XKR8: variants seen among roughly 807,000 people sequenced by gnomAD.
XKR8 encodes the protein XK-related protein 8.
In XKR8, 10 loss-of-function variants were observed where a neutral mutation model predicts 17.1. The ratio of observed to expected loss-of-function variants is 0.59; its 90% confidence interval spans 0.36 to 0.99. XKR8 has a LOEUF of 0.99. Among genes scored for constraint, XKR8 ranks in the 50% least tolerant of loss-of-function variants. The pLI is 0.01. For missense variants in XKR8, 411 were observed against 515.6 expected, an observed-to-expected ratio of 0.80 and a Z score of 1.96; for synonymous variants, 213 against 251.9, an observed-to-expected ratio of 0.85 and a Z score of 1.46.
chr1:27,959,974 A>G lies in XKR8; in HGVS notation c.-96A>G. On this transcript the variant is annotated 5_prime_UTR_variant, in exon 1 of 3. Coordinates refer to ENST00000373884, the MANE Select transcript of XKR8 (RefSeq NM_018053.4). Reference sequence around the variant, plus strand: ...CAGGCCCAGGCCCCGGGCCGCCCCGAGGGCTGCGCCCACCTCCTTCCTGCC... The same window carrying G: ...CAGGCCCAGGCCCCGGGCCGCCCCGGGGGCTGCGCCCACCTCCTTCCTGCC... 8.4e-7 allele frequency: 1 copy of G among 1,188,166 alleles called. No individual in the cohort carries two copies. 73.6% of individuals were successfully genotyped at this position (1,188,166 alleles called of 1,614,324 possible). A position where few individuals can be genotyped will look rare whatever the true frequency, so the allele number is the denominator to read the frequency against.
At chr1:27,961,556 T>C (rs769179878) in intron 1 of XKR8, among the ~76,000 whole-genome samples, 1 of 152,200 alleles carries the variant, frequency 6.6e-6, no homozygotes, top group African/African-American at 2.4e-5. Flanking sequence ...CCATGAGCCG[T>C]GAATCTGTAA....
intron 1 of XKR8, among the ~76,000 whole-genome samples, chr1:27,962,644 G>T (rs1638491305): frequency 6.6e-6 from 1 of 152,116 alleles, no homozygotes; most frequent in African/African-American, 2.4e-5. Context: ...CTGGAGTGCA[G>T]TGGCACAATC....
At chr1:27,962,566 G>A (rs1464046958) in intron 1 of XKR8, among the ~76,000 whole-genome samples, 2 of 151,310 alleles carry the variant, frequency 1.3e-5, no homozygotes, top group Non-Finnish European at 2.9e-5. Context: ...AGCGACAGAT[G>A]TAGACTCTGT....
intron 1 of XKR8, among the ~76,000 whole-genome samples, chr1:27,961,396 T>A (rs568419936): frequency 6.6e-6 from 1 of 152,290 alleles, no homozygotes; most frequent in South Asian, 2.1e-4. Flanking sequence ...TACAAACTCT[T>A]GAGATCTGGC....
At position 27,967,070 on chromosome 1, in the gene XKR8, A is replaced by G. The variant is rs777263389; in HGVS notation, c.1058A>G (p.Gln353Arg). ...TGCTGCTGGAAGCCCGACCCTGACC[A>G]GGTAGACGGGGCCCGGAGTCTGCTT... Reference protein sequence around the residue: ...PSCCWKPDPDQVDGARSLLSP... With the variant: ...PSCCWKPDPDRVDGARSLLSP... Residue 353 changes from glutamine to arginine, a missense_variant, in exon 3 of 3, where the codon CAG (glutamine) becomes CGG (arginine). Transcript: ENST00000373884. The surrounding 1 kb of genome is among the most constrained non-coding windows in gnomAD (Gnocchi z 4.3). The G allele has an allele frequency of 1.2e-6, 2 of 1,614,052 alleles. No homozygotes were observed. The highest frequency in any genetic ancestry group is 1.7e-6 in the Non-Finnish European group (2 of 1,179,942).
Position 27,966,660 on chromosome 1 carries a change from G to C in XKR8, c.648G>C (p.Leu216=). 6.2e-7 allele frequency: 1 copy of C among 1,614,082 alleles called. No individual in the cohort carries two copies. Among genetic ancestry groups the C allele is most frequent in the Non-Finnish European group, 8.5e-7 (1 of 1,180,012 alleles). ...WNLLLLWPRV[L]AVALFSALFP... is the part of the protein sequence containing the mutation. ...TGCTGCTGCTGTGGCCCCGAGTCCT[G>C]GCTGTGGCCCTGTTCTCAGCCCTCT... The change falls in exon 3 of 3, where the codon CTG becomes CTC. Residue 216 remains leucine (L), a synonymous_variant. Coordinates refer to ENST00000373884, the MANE Select transcript of XKR8 (RefSeq NM_018053.4). This position sits in a 1 kb window ranked among gnomAD's most constrained non-coding sequence, Gnocchi z 4.3.
chr1:27,967,093 C>T lies in XKR8; in HGVS notation c.1081C>T (p.Leu361Phe). Residue 361 changes from leucine (L) to phenylalanine (F), a missense_variant, in exon 3 of 3, where the codon CTT (leucine) becomes TTT (phenylalanine). Transcript: ENST00000373884. The surrounding 1 kb of genome is among the most constrained non-coding windows in gnomAD (Gnocchi z 4.3). ...PDQVDGARSL[L>F]SPEGYQLPQN... ...CCAGGTAGACGGGGCCCGGAGTCTG[C>T]TTTCTCCAGAGGGGTATCAGCTGCC... 1 of 1,614,002 alleles carries T rather than the reference C, an allele frequency of 6.2e-7. No homozygotes were observed. The highest frequency in any genetic ancestry group is 8.5e-7 in the Non-Finnish European group (1 of 1,179,900).
In XKR8 at chr1:27,965,520, G is replaced by T. The variant is rs1638551544; in HGVS notation, c.491-983G>T. Among the ~76,000 whole-genome samples, 1 of 152,140 alleles carries T rather than the reference G, an allele frequency of 6.6e-6. No homozygotes were observed. Among genetic ancestry groups the T allele is most frequent in the East Asian group, 1.9e-4 (1 of 5,190 alleles). On this transcript the variant is annotated intron_variant, in intron 2 of 2. Coordinates refer to ENST00000373884, the MANE Select transcript of XKR8 (RefSeq NM_018053.4). The surrounding 1 kb of genome is among the most constrained non-coding windows in gnomAD (Gnocchi z 4.1). ...AGTGGGTGGCATGGGGTCAGGGTGG[G>T]TGACTCCCGGGGCTCTTCAAGCTGG...
Position 27,966,772 on chromosome 1 carries a change from G to C in XKR8, c.760G>C (p.Asp254His). 6.2e-7 allele frequency: 1 copy of C among 1,613,918 alleles called. No individual in the cohort carries two copies. Among genetic ancestry groups the C allele is most frequent in the Middle Eastern group, 1.7e-4 (1 of 5,968 alleles). Residue 254 changes from aspartate (D) to histidine (H), a missense_variant, in exon 3 of 3, where the codon GAC (aspartate) becomes CAC (histidine). Asp to His is a moderately conservative substitution (Grantham distance 81, BLOSUM62 -1). Coordinates refer to ENST00000373884, the MANE Select transcript of XKR8 (RefSeq NM_018053.4). This position sits in a 1 kb window ranked among gnomAD's most constrained non-coding sequence, Gnocchi z 4.3. ...GCTTCAGGGCACAGACTTCATGCCG[G>C]ACCCCAGCTCCGAGTGGCTGTACCG... is the stretch of plus-strand genomic sequence containing the variant. The part of the protein sequence containing the change: ...VWLQGTDFMP[D>H]PSSEWLYRVT...
Position 27,966,904 on chromosome 1 carries a change from C to G in XKR8, c.892C>G (p.Leu298Val), listed in dbSNP as rs756039933. Residue 298 changes from leucine (L) to valine (V), a missense_variant, in exon 3 of 3, where the codon CTC (leucine) becomes GTC (valine). Physicochemically the swap from Leu to Val is conservative, Grantham distance 32 (BLOSUM62 1). Transcript: ENST00000373884. This position sits in a 1 kb window ranked among gnomAD's most constrained non-coding sequence, Gnocchi z 4.3. Reference protein sequence around the residue: ...HFAFLLSDSILLVATWVTHSS... With the variant: ...HFAFLLSDSIVLVATWVTHSS... ...CGCCTTCCTCCTGAGTGACAGCATT[C>G]TCCTGGTGGCCACCTGGGTGACTCA... 6.2e-7 allele frequency: 1 copy of G among 1,614,242 alleles called. No homozygotes were observed. The highest frequency in any genetic ancestry group is 8.5e-7 in the Non-Finnish European group (1 of 1,180,048).
intron 1 of XKR8, among the ~76,000 whole-genome samples, chr1:27,962,677 G>A (rs6598914): frequency 0.92 from 140,130 of 152,200 alleles, 65,207 homozygotes; most frequent in East Asian, 1. Context: ...CAGTGGCCTT[G>A]AACTCCTGGG....
At chr1:27,963,297 G>C (rs2148686064) in intron 1 of XKR8, among the ~76,000 whole-genome samples, 200 bp from the exon 2 acceptor site, 1 of 152,358 alleles carries the variant, frequency 6.6e-6, no homozygotes, top group African/African-American at 2.4e-5. Context: ...TGGGATTACA[G>C]GCATGAGCCA....
Position 27,960,187 on chromosome 1 carries a change from G to T in XKR8, c.118G>T (p.Gly40Cys). 2.0e-6 allele frequency: 3 copies of T among 1,526,972 alleles called. No individual in the cohort carries two copies. Among genetic ancestry groups the T allele is most frequent in the Non-Finnish European group, 2.6e-6 (3 of 1,143,824 alleles). The allele number at this position is 1,526,972 out of a possible 1,614,324, so 94.6% of individuals were successfully genotyped here. The change falls in exon 1 of 3, where the codon GGC becomes TGC. Residue 40 changes from glycine (G) to cysteine (C), a missense_variant. Gly to Cys is a radical substitution (Grantham distance 159, BLOSUM62 -3). Coordinates refer to ENST00000373884, the MANE Select transcript of XKR8 (RefSeq NM_018053.4). The surrounding 1 kb of genome is among the most constrained non-coding windows in gnomAD (Gnocchi z 5.9). ...DLWAAVQYALGGRYLWAALVL... is the reference protein window; with the variant it reads ...DLWAAVQYALCGRYLWAALVL... ...GTGGGCCGCCGTCCAGTATGCGCTC[G>T]GCGGCCGCTACCTGTGGGCGGCGCT...
At position 27,966,817 on chromosome 1, in the gene XKR8, C is replaced by T. The variant is rs1638582738; in HGVS notation, c.805C>T (p.Leu269Phe). Residue 269 changes from leucine to phenylalanine, a missense_variant, in exon 3 of 3, where the codon CTC (leucine) becomes TTC (phenylalanine). Physicochemically the swap from Leu to Phe is conservative, Grantham distance 22 (BLOSUM62 0). Transcript: ENST00000373884. This position sits in a 1 kb window ranked among gnomAD's most constrained non-coding sequence, Gnocchi z 4.3. ...GTACCGGGTGACGGTGGCCACCATCCTCTATTTCTCCTGGTTCAACGTGGC... is the reference window on the plus strand; with the variant it reads ...GTACCGGGTGACGGTGGCCACCATCTTCTATTTCTCCTGGTTCAACGTGGC... ...WLYRVTVATI[L>F]YFSWFNVAEG... 1.2e-6 allele frequency: 2 copies of T among 1,613,800 alleles called. No individual in the cohort carries two copies. Among genetic ancestry groups the T allele is most frequent in the African/African-American group, 2.7e-5 (2 of 74,908 alleles).
At chr1:27,963,432 G>A in intron 1 of XKR8, 65 bp from the exon 2 acceptor site, 1 of 1,539,122 alleles carries the variant, frequency 6.5e-7, no homozygotes, top group Non-Finnish European at 8.8e-7. Context: ...CATTAGATGG[G>A]TGGGAGGCTG....
rs932646075 is a variant in XKR8, at chr1:27,960,009, C to G, written c.-61C>G. On this transcript the variant is annotated 5_prime_UTR_variant, in exon 1 of 3. Coordinates refer to ENST00000373884, the MANE Select transcript of XKR8 (RefSeq NM_018053.4). The surrounding 1 kb of genome is among the most constrained non-coding windows in gnomAD (Gnocchi z 5.9). ...CCACCTCCTTCCTGCCTCGGCAACC[C>G]CGGGCCCTGAGGGCAGGCCCCAACC... 3.7e-6 allele frequency: 5 copies of G among 1,342,624 alleles called. No homozygotes were observed. The African/African-American group carries it at 7.7e-5, about 21-fold the overall frequency. 83.2% of individuals were successfully genotyped at this position (1,342,624 alleles called of 1,614,324 possible).
At chr1:27,962,617 G>A (rs1638490845) in intron 1 of XKR8, among the ~76,000 whole-genome samples, 1 of 152,122 alleles carries the variant, frequency 6.6e-6, no homozygotes, top group South Asian at 2.1e-4. Context: ...AGAGAGGCAG[G>A]GTCTCTGTTG....
Position 27,966,644 on chromosome 1 carries a change from T to C in XKR8, c.632T>C (p.Leu211Pro), listed in dbSNP as rs1638576929. The C allele has an allele frequency of 6.2e-7, 1 of 1,614,186 alleles. No homozygotes were observed. Among genetic ancestry groups the C allele is most frequent in the Middle Eastern group, 1.6e-4 (1 of 6,062 alleles). ...VIYFLWNLLL[L>P]WPRVLAVALF... ...TACTTCCTGTGGAACCTGCTGCTGCTGTGGCCCCGAGTCCTGGCTGTGGCC... is the reference window on the plus strand; with the variant it reads ...TACTTCCTGTGGAACCTGCTGCTGCCGTGGCCCCGAGTCCTGGCTGTGGCC... The change falls in exon 3 of 3, where the codon CTG becomes CCG. Residue 211 changes from leucine (L) to proline (P), a missense_variant. Physicochemically the swap from Leu to Pro is moderately conservative, Grantham distance 98. Coordinates refer to ENST00000373884, the MANE Select transcript of XKR8 (RefSeq NM_018053.4). The surrounding 1 kb of genome is among the most constrained non-coding windows in gnomAD (Gnocchi z 4.3).
At position 27,960,833 on chromosome 1, in the gene XKR8, T is replaced by A. The variant is rs756277888; in HGVS notation, c.293+471T>A. 6.6e-6 allele frequency among the ~76,000 whole-genome samples: 1 copy of A among 152,198 alleles called. No homozygotes were observed. Among genetic ancestry groups the A allele is most frequent in the Non-Finnish European group, 1.5e-5 (1 of 68,036 alleles). ...GTAATGGCAGGGGCTGCGGACTCAG[T>A]TCAGCATCCCATGTTTCAGCATGGG... On this transcript the variant is annotated intron_variant, in intron 1 of 2. Transcript: ENST00000373884. This position sits in a 1 kb window ranked among gnomAD's most constrained non-coding sequence, Gnocchi z 5.9.
Sources: gnomAD v4.1 joint callset for allele counts (sites outside exome capture counted in the v4.1 genomes callset) on GRCh38, gnomAD v4.1.1 for gene constraint, Gnocchi (gnomAD v3.1) non-coding constraint, MANE v1.5 for transcripts, NCBI Gene and HGNC (gene_info 2026-07-23, HGNC 2026-07-21) for gene names.